The following HERC2 variants were observed in gnomAD, a reference collection of about 807,000 sequenced individuals.
The protein encoded by HERC2 is HECT and RLD domain containing E3 ubiquitin protein ligase 2.
Under a neutral mutation model 537.7 loss-of-function variants are expected in HERC2, and 102 were observed. That is an observed-to-expected ratio of 0.19 (90% confidence interval 0.16 to 0.22). The LOEUF (loss-of-function observed/expected upper bound fraction) is 0.22. Ranked by LOEUF, HERC2 falls within the 10% of genes least tolerant of loss-of-function variation. HERC2 has a pLI of 1.00. For missense variants in HERC2, 4,236 were observed against 6,198.2 expected, an observed-to-expected ratio of 0.68 and a Z score of 10.63; for synonymous variants, 2,224 against 2,466.2, an observed-to-expected ratio of 0.90 and a Z score of 2.91.
At chr15:28,142,117 T>C (rs367758620) in intron 76 of HERC2, 121 bp downstream of exon 76, 6 of 1,075,122 alleles carry the variant, frequency 5.6e-6, no homozygotes, top group East Asian at 4.9e-5. Flanking sequence ...TATGTGTTAT[T>C]TTCTTTGATA....
At position 28,248,682 on chromosome 15, in the gene HERC2, T is replaced by C. The variant is rs1438121255; in HGVS notation, c.3105A>G (p.Ser1035=). Reference sequence around the variant, plus strand: ...TGTGTTGCTCAAAGTCCAGACATGATGAAATCCGACGGGCAACATCTTTCA... The same window carrying C: ...TGTGTTGCTCAAAGTCCAGACATGACGAAATCCGACGGGCAACATCTTTCA... ...ARLKDVARRI[S]SCLDFEQHSR... The change falls in exon 21 of 93, where the codon TCA becomes TCG. Residue 1035 remains serine, a synonymous_variant. Transcript: ENST00000261609. The C allele has an allele frequency of 6.2e-7, 1 of 1,614,080 alleles. No individual in the cohort carries two copies. The highest frequency in any genetic ancestry group is 2.2e-5 in the East Asian group (1 of 44,888).
chr15:28,217,226 A>T (rs1226334564), intron 38 of HERC2, among the ~76,000 whole-genome samples: 1 of 151,106 alleles, frequency 6.6e-6, no homozygotes, highest in Non-Finnish European at 1.5e-5. Flanking sequence ...ACACTCACTC[A>T]TGCCTCCCTC....
Position 28,124,097 on chromosome 15 carries a change from AG to A in HERC2, c.13127del (p.Thr4376MetfsTer16). 1 of 1,608,566 alleles carries A rather than the reference AG, an allele frequency of 6.2e-7. No individual in the cohort carries two copies. The stretch of plus-strand genomic sequence containing the variant: ...CGAACCCAACAGAAGGCCCGAGTCC[AG>A]TTTCGTCGAGCGAGCCTTCCAGGTC... ...MFDLEGSLDE[T>X]GLGPSVGFDT... On this transcript the variant is annotated frameshift_variant, in exon 85 of 93. Transcript: ENST00000261609. LOFTEE classifies it high-confidence loss of function.
intron 33 of HERC2, 45 bp from the exon 34 acceptor site, chr15:28,229,391 TTC>T (rs1452408120): frequency 6.2e-7 from 1 of 1,613,434 alleles, no homozygotes; most frequent in African/African-American, 1.3e-5. Context: ...ACTGCCAGAC[TTC>T]TGTTACAGAA....
In HERC2 at chr15:28,169,478, G is replaced by A; in HGVS notation, c.10229+6C>T. The A allele has an allele frequency of 1.9e-6, 3 of 1,559,014 alleles. No homozygotes were observed. The highest frequency in any genetic ancestry group is 2.6e-6 in the Non-Finnish European group (3 of 1,150,680). ...CAGAATTTCAAAAATTAGCACAGAA[G>A]CCTACCTGGCATACATGATTTGCAA... is the stretch of plus-strand genomic sequence containing the variant. On this transcript the variant is annotated splice_donor_region_variant and intron_variant, in intron 66 of 92. Coordinates refer to ENST00000261609, the MANE Select transcript of HERC2 (RefSeq NM_004667.6).
At chr15:28,194,723 G>C (rs1276844347) in intron 52 of HERC2, among the ~76,000 whole-genome samples, 1 of 152,158 alleles carries the variant, frequency 6.6e-6, no homozygotes, top group Non-Finnish European at 1.5e-5. Flanking sequence ...ATAAAAGAAT[G>C]TCTTCTATAG....
At chr15:28,266,901 G>A (rs920289331) in intron 12 of HERC2, among the ~76,000 whole-genome samples, 2 of 152,026 alleles carry the variant, frequency 1.3e-5, no homozygotes, top group Non-Finnish European at 2.9e-5. Flanking sequence ...TCAGTCATCT[G>A]GTTGTATGGA....
intron 74 of HERC2, among the ~76,000 whole-genome samples, chr15:28,143,226 C>T (rs1464812197): frequency 2.0e-5 from 3 of 152,256 alleles, no homozygotes; most frequent in South Asian, 2.1e-4. Context: ...GGCCCACAAA[C>T]GCTGCCTGTC....
At chr15:28,150,349 CAG>C (rs1320211360) in intron 70 of HERC2, among the ~76,000 whole-genome samples, 1 of 150,290 alleles carries the variant, frequency 6.7e-6, no homozygotes, top group Non-Finnish European at 1.5e-5. Flanking sequence ...CGGCTTCTAA[CAG>C]AGAACATCAC....
intron 90 of HERC2, among the ~76,000 whole-genome samples, chr15:28,114,087 G>A (rs1887958206): frequency 6.6e-6 from 1 of 152,188 alleles, no homozygotes; most frequent in South Asian, 2.1e-4. Flanking sequence ...CCCCACCAGA[G>A]CCCACAGGGC....
intron 70 of HERC2, among the ~76,000 whole-genome samples, chr15:28,149,888 G>A (rs1303271197): frequency 2.7e-5 from 4 of 149,796 alleles, no homozygotes; most frequent in African/African-American, 7.4e-5. Context: ...AAACACATGC[G>A]ACTTCTAACC....
intron 88 of HERC2, among the ~76,000 whole-genome samples, chr15:28,116,239 T>G (rs1254687320): frequency 7.0e-5 from 8 of 114,840 alleles, no homozygotes; most frequent in African/African-American, 2.0e-4. Flanking sequence ...TTTTTTTTTT[T>G]GATACAGAGT....
intron 5 of HERC2, among the ~76,000 whole-genome samples, chr15:28,279,717 G>A (rs2075973530): frequency 6.6e-6 from 1 of 152,018 alleles, no homozygotes; most frequent in African/African-American, 2.4e-5. Context: ...GGTGGCTGAG[G>A]CGGGAGGATC....
chr15:28,120,919 T>C (rs1888813575), intron 86 of HERC2, among the ~76,000 whole-genome samples: 1 of 152,170 alleles, frequency 6.6e-6, no homozygotes, highest in African/African-American at 2.4e-5. Flanking sequence ...TGCAGGCAGC[T>C]GCCAAACACA....
rs148401310 is a variant in HERC2, at chr15:28,149,165, A to G, written c.10901-2821T>C. ...CACGCGACTTCTAACCGAGAACATCACCAAGAATGGCCACACGAACGCACA... is the reference window on the plus strand; with the variant it reads ...CACGCGACTTCTAACCGAGAACATCGCCAAGAATGGCCACACGAACGCACA... On this transcript the variant is annotated intron_variant, in intron 70 of 92. Coordinates refer to ENST00000261609, the MANE Select transcript of HERC2 (RefSeq NM_004667.6). Among the ~76,000 whole-genome samples, 2 of 152,184 alleles carry G rather than the reference A, an allele frequency of 1.3e-5. 1 individual carries two copies. Among genetic ancestry groups the G allele is most frequent in the Non-Finnish European group, 2.9e-5 (2 of 67,986 alleles).
At chr15:28,276,954 A>G (rs2075890183) in intron 5 of HERC2, among the ~76,000 whole-genome samples, 1 of 152,130 alleles carries the variant, frequency 6.6e-6, no homozygotes, top group Admixed American at 6.5e-5. Flanking sequence ...ATGCATCTGT[A>G]GTCCCAGCTA....
At position 28,130,314 on chromosome 15, in the gene HERC2, G is replaced by A; in HGVS notation, c.12663-12C>T. On this transcript the variant is annotated splice_polypyrimidine_tract_variant and intron_variant, in intron 82 of 92. Transcript: ENST00000261609. ...AATCGCCTTTGCCCCTGCACACAAA[G>A]GAAGCATGGAAATTATGGGGCAAGG... The A allele has an allele frequency of 6.2e-7, 1 of 1,614,102 alleles. No individual in the cohort carries two copies. Among genetic ancestry groups the A allele is most frequent in the Non-Finnish European group, 8.5e-7 (1 of 1,179,988 alleles).
At position 28,254,500 on chromosome 15, in the gene HERC2, CT is replaced by C. The variant is rs754644626; in HGVS notation, c.2889del (p.Glu964LysfsTer61). The C allele has an allele frequency of 3.1e-6, 5 of 1,593,962 alleles. No homozygotes were observed. The highest frequency in any genetic ancestry group is 4.3e-6 in the Non-Finnish European group (5 of 1,174,344). Reference protein sequence around the residue: ...TAEIQDIEAKKEAQKEKEIDE... With the variant: ...TAEIQDIEAKXEAQKEKEIDE... ...TCAATTTCTTTTTCCTTCTGTGCTT[CT>C]TTTTTGGCTTCAATATCCTGTAATT... On this transcript the variant is annotated frameshift_variant, in exon 20 of 93. Coordinates refer to ENST00000261609, the MANE Select transcript of HERC2 (RefSeq NM_004667.6). LOFTEE classifies it high-confidence loss of function.
rs1367049522 is a variant in HERC2, at chr15:28,316,935, C to T, written c.72+4427G>A. On this transcript the variant is annotated intron_variant, in intron 2 of 92. Transcript: ENST00000261609. ...GGGACTACAGGCACGTGCCACCACA[C>T]CCAGCTAATTTTTGTATTTTTAGTA... is the stretch of plus-strand genomic sequence containing the variant. Among the ~76,000 whole-genome samples, 4 of 151,806 alleles carry T rather than the reference C, an allele frequency of 2.6e-5. No homozygotes were observed. The South Asian group carries it at 8.3e-4, about 32-fold the overall frequency.
Sources: gnomAD v4.1 joint callset for allele counts (sites outside exome capture counted in the v4.1 genomes callset) on GRCh38, gnomAD v4.1.1 for gene constraint, MANE v1.5 for transcripts, NCBI Gene and HGNC (gene_info 2026-07-23, HGNC 2026-07-21) for gene names.